Variants in KIF21A observed in about 807,000 individuals in gnomAD.
KIF21A encodes the protein kinesin family member 21A, also known as kinesin-like protein KIF21A.
KIF21A carries 114 observed loss-of-function variants against 202.9 expected under a neutral mutation model. That is an observed-to-expected ratio of 0.56 (90% confidence interval 0.48 to 0.66). KIF21A has a LOEUF of 0.66. KIF21A is among the 30% of genes least tolerant of loss of function. The probability of loss-of-function intolerance (pLI) is 0.00; values close to 1 mark genes in which losing one functional copy is unlikely to be tolerated. For missense variants in KIF21A, 1,677 were observed against 1,994.9 expected (o/e 0.84, Z 3.04); for synonymous variants, 667 against 670.8 (o/e 0.99, Z 0.09).
chr12:39,414,431 C>T (rs546895365), intron 1 of KIF21A, among the ~76,000 whole-genome samples: 11 of 152,144 alleles, frequency 7.2e-5, no homozygotes, highest in African/African-American at 2.2e-4. Context: ...GTGTGAAAAT[C>T]ATCTTTAAGA....
chr12:39,340,786 C>T (rs1476393575), intron 15 of KIF21A, 120 bp downstream of exon 15: 2 of 740,434 alleles, frequency 2.7e-6, no homozygotes, highest in Non-Finnish European at 4.4e-6. Context: ...AAAAACAAAA[C>T]AAATAAATAA....
intron 1 of KIF21A, among the ~76,000 whole-genome samples, chr12:39,370,871 A>C (rs1949907217): frequency 6.6e-6 from 1 of 152,076 alleles, no homozygotes; most frequent in Non-Finnish European, 1.5e-5. Context: ...CATATATTGA[A>C]ATACTGTCAT....
chr12:39,309,528 A>G, intron 33 of KIF21A, 58 bp downstream of exon 33: 1 of 1,239,170 alleles, frequency 8.1e-7, no homozygotes, highest in Non-Finnish European at 1.1e-6. Context: ...TATTTGTAAA[A>G]AAAAAAAAAA....
In KIF21A at chr12:39,303,145, T is replaced by C. The variant is rs1409724459; in HGVS notation, c.4561-10A>G. 1.2e-6 allele frequency: 2 copies of C among 1,613,558 alleles called. No individual in the cohort carries two copies. The highest frequency in any genetic ancestry group is 2.2e-5 in the East Asian group (1 of 44,842). On this transcript the variant is annotated splice_polypyrimidine_tract_variant and intron_variant, in intron 35 of 37. Coordinates refer to ENST00000361418, the MANE Select transcript of KIF21A (RefSeq NM_001173464.2). ...CTGTAACATCAAACATCTAAAAAGG[T>C]AGAAACAAAGCAGTTATCCTATTTA...
intron 24 of KIF21A, among the ~76,000 whole-genome samples, chr12:39,327,242 T>A (rs1946042076): frequency 6.6e-6 from 1 of 152,230 alleles, no homozygotes; most frequent in African/African-American, 2.4e-5. Flanking sequence ...CATTAGTCAA[T>A]TGATTCATTT....
At chr12:39,394,301 C>G (rs1415617092) in intron 1 of KIF21A, among the ~76,000 whole-genome samples, 1 of 152,226 alleles carries the variant, frequency 6.6e-6, no homozygotes, top group African/African-American at 2.4e-5. Context: ...CTAATTTAAA[C>G]TTCATTTTCA....
At chr12:39,337,472 A>G in intron 16 of KIF21A, 1 of 410,124 alleles carries the variant, frequency 2.4e-6, no homozygotes, top group Non-Finnish European at 4.5e-6. Context: ...TACTTAGCTT[A>G]CTATCAGTAG....
chr12:39,366,600 TAC>T, intron 5 of KIF21A, 83 bp from the exon 6 acceptor site: 1 of 996,656 alleles, frequency 1.0e-6, no homozygotes, highest in Non-Finnish European at 1.5e-6. Context: ...TTATCCCATG[TAC>T]ACATATAGGC....
At chr12:39,436,422 T>TATATATATATATATATATA (rs1938700156) in intron 1 of KIF21A, among the ~76,000 whole-genome samples, 4 of 99,106 alleles carry the variant, frequency 4.0e-5, no homozygotes, top group African/African-American at 9.1e-5. Flanking sequence ...GTTTACTATA[T>TATATATATATATATATATA]TATATATATA....
rs986640791 is a variant in KIF21A at position 39,336,770 on chromosome 12, A to C, written c.2418+326T>G. On this transcript the variant is annotated intron_variant, in intron 17 of 37. Coordinates refer to ENST00000361418, the MANE Select transcript of KIF21A (RefSeq NM_001173464.2). ...ATAAAACATTCTTCAGAACCATCCT[A>C]AACTTGCTATCTTATATAATACTGC... 8.5e-5 allele frequency among the ~76,000 whole-genome samples: 13 copies of C among 152,166 alleles called. No individual in the cohort carries two copies. The East Asian group carries it at 2.1e-3, about 25-fold the overall frequency.
intron 1 of KIF21A, among the ~76,000 whole-genome samples, chr12:39,405,811 G>A (rs754830488): frequency 6.6e-6 from 1 of 151,890 alleles, no homozygotes; most frequent in Non-Finnish European, 1.5e-5. Flanking sequence ...CTAAAAACAC[G>A]AAGTTGATCA....
intron 1 of KIF21A, among the ~76,000 whole-genome samples, chr12:39,390,648 A>G (rs1411979579): frequency 6.6e-6 from 1 of 152,182 alleles, no homozygotes; most frequent in African/African-American, 2.4e-5. Flanking sequence ...ATAACCTACA[A>G]AAGATATTCA....
At chr12:39,352,833 C>A (rs1353872954) in intron 10 of KIF21A, among the ~76,000 whole-genome samples, 1 of 152,100 alleles carries the variant, frequency 6.6e-6, no homozygotes, top group African/African-American at 2.4e-5. Flanking sequence ...ACACACTGAT[C>A]CTCACACATG....
intron 11 of KIF21A, among the ~76,000 whole-genome samples, chr12:39,348,236 T>C (rs1220445224): frequency 6.6e-6 from 1 of 152,100 alleles, no homozygotes; most frequent in Admixed American, 6.6e-5. Context: ...CTTTAGTTTT[T>C]ACTTCACTTA....
chr12:39,294,353 G>T lies in KIF21A; in HGVS notation c.*71C>A. 8.5e-7 allele frequency: 1 copy of T among 1,182,460 alleles called. No homozygotes were observed. The highest frequency in any genetic ancestry group is 1.3e-6 in the Non-Finnish European group (1 of 788,324). The allele number at this position is 1,182,460 out of a possible 1,614,324, so 73.2% of individuals were successfully genotyped here. On this transcript the variant is annotated 3_prime_UTR_variant, in exon 38 of 38. Transcript: ENST00000361418. ...TCATACGTTTTGCCTAGTAAGTACAGGACAACATTTTCCATAAAGAATACA... is the reference window on the plus strand; with the variant it reads ...TCATACGTTTTGCCTAGTAAGTACATGACAACATTTTCCATAAAGAATACA...
intron 33 of KIF21A, 25 bp downstream of exon 33, chr12:39,309,561 T>C (rs372279893): frequency 6.5e-7 from 1 of 1,547,788 alleles, no homozygotes; most frequent in African/African-American, 1.4e-5. Flanking sequence ...TCCTCCTTTA[T>C]GCTATATGTC....
At chr12:39,438,519 T>C (rs1939131040) in intron 1 of KIF21A, among the ~76,000 whole-genome samples, 1 of 152,162 alleles carries the variant, frequency 6.6e-6, no homozygotes, top group South Asian at 2.1e-4. Flanking sequence ...AGCTTCTGAA[T>C]GTCCAAATAG....
At chr12:39,362,996 T>G (rs1032342947) in intron 7 of KIF21A, 102 bp downstream of exon 7, 4 of 761,442 alleles carry the variant, frequency 5.3e-6, no homozygotes, top group Non-Finnish European at 9.5e-6. Flanking sequence ...CTCATCCTAT[T>G]AGTTTGCTTT....
chr12:39,322,067 G>T (rs1945327586), intron 27 of KIF21A: 1 of 152,236 alleles, frequency 6.6e-6, no homozygotes. Flanking sequence ...TTTTTGTTCA[G>T]ATTATCATAG....
Sources: allele counts gnomAD v4.1 joint callset (sites outside exome capture counted in the v4.1 genomes callset), GRCh38; gene constraint gnomAD v4.1.1; transcripts MANE v1.5; gene names NCBI Gene and HGNC (gene_info 2026-07-23, HGNC 2026-07-21).